IQCM: variants seen among roughly 807,000 people sequenced by gnomAD.
The protein encoded by IQCM is IQ motif containing M.
A neutral mutation model predicts 57.6 loss-of-function variants in IQCM; 45 were observed. That is an observed-to-expected ratio of 0.78 (90% CI 0.62 to 1.00). The LOEUF (loss-of-function observed/expected upper bound fraction) is 1.00. IQCM is among the 50% of genes least tolerant of loss of function. The pLI is 0.00. For synonymous variants in IQCM, 148 were observed against 158.9 expected (o/e 0.93, Z 0.51); for missense variants, 468 against 511.6 (o/e 0.91, Z 0.82).
Position 149,507,072 on chromosome 4 carries a change from A to G in IQCM, c.1228+41383T>C, listed in dbSNP as rs78829286. Among the ~76,000 whole-genome samples the G allele has an allele frequency of 4.4e-4, 67 of 152,148 alleles. No homozygotes were observed. In the East Asian group the frequency reaches 0.012, roughly 26 times the overall value. On this transcript the variant is annotated intron_variant, in intron 12 of 13. Coordinates refer to ENST00000636793, the MANE Select transcript of IQCM (RefSeq NM_001363507.2). ...TTTTAAAATGGGAGTTTTCTTGCGC[A>G]AGCTTTCTTTTCTTGTCTACTGCCA...
At chr4:149,494,056 G>GT (rs1258326752) in intron 12 of IQCM, among the ~76,000 whole-genome samples, 3 of 150,808 alleles carry the variant, frequency 2.0e-5, no homozygotes, top group Non-Finnish European at 3.0e-5. Flanking sequence ...TTTTTTAAGG[G>GT]TTTTTTTGCA....
At chr4:149,395,594 C>T (rs1338234384) in intron 13 of IQCM, among the ~76,000 whole-genome samples, 1 of 151,920 alleles carries the variant, frequency 6.6e-6, no homozygotes, top group Non-Finnish European at 1.5e-5. Context: ...TCTTTCTAAC[C>T]ACTGGGGAAT....
chr4:149,460,389 C>A (rs1273819598), intron 12 of IQCM, among the ~76,000 whole-genome samples: 1 of 152,062 alleles, frequency 6.6e-6, no homozygotes, highest in African/African-American at 2.4e-5. Flanking sequence ...TTGATAGTGT[C>A]TACCCATTAA....
At chr4:149,793,749 A>G (rs914606204) in intron 2 of IQCM, 1 of 152,208 alleles carries the variant, frequency 6.6e-6, no homozygotes, top group Non-Finnish European at 1.5e-5. Context: ...AAAAAAACCT[A>G]TAAGATACTT....
At chr4:149,763,466 G>T (rs911314974) in intron 2 of IQCM, among the ~76,000 whole-genome samples, 1 of 151,990 alleles carries the variant, frequency 6.6e-6, no homozygotes, top group African/African-American at 2.4e-5. Flanking sequence ...ATGAGTGGAG[G>T]AGCTCCTCTC....
chr4:149,445,134 A>G (rs1242741581), intron 12 of IQCM, among the ~76,000 whole-genome samples: 3 of 151,874 alleles, frequency 2.0e-5, no homozygotes, highest in Non-Finnish European at 4.4e-5. Context: ...CCTTGTGAAC[A>G]ATATAACCTG....
intron 2 of IQCM, among the ~76,000 whole-genome samples, 200 bp downstream of exon 2, chr4:149,815,111 T>C (rs1193784790): frequency 6.6e-6 from 1 of 151,990 alleles, no homozygotes; most frequent in Non-Finnish European, 1.5e-5. Context: ...ACATTAAATA[T>C]ATTTAATTTG....
chr4:149,625,762 C>T (rs1238594146), intron 7 of IQCM, among the ~76,000 whole-genome samples: 1 of 152,048 alleles, frequency 6.6e-6, no homozygotes, highest in African/African-American at 2.4e-5. Context: ...GGAGAAAAAT[C>T]CAGAGAGGGC....
intron 5 of IQCM, among the ~76,000 whole-genome samples, chr4:149,722,862 G>A (rs2149859284): frequency 6.6e-6 from 1 of 152,070 alleles, no homozygotes; most frequent in Admixed American, 6.5e-5. Context: ...GAATTGCATT[G>A]AGTCTGTGGA....
intron 2 of IQCM, among the ~76,000 whole-genome samples, chr4:149,803,903 C>A (rs996132579): frequency 8.6e-5 from 13 of 151,772 alleles, no homozygotes; most frequent in Non-Finnish European, 1.5e-4. Context: ...AGGAAATGTT[C>A]TATAATCTTC....
intron 2 of IQCM, among the ~76,000 whole-genome samples, chr4:149,770,273 T>C (rs1266978061): frequency 2.6e-5 from 4 of 152,034 alleles, no homozygotes; most frequent in African/African-American, 9.7e-5. Flanking sequence ...AAGAAACAGA[T>C]AACCTGCTTA....
At chr4:149,723,008 C>T (rs1174357680) in intron 5 of IQCM, among the ~76,000 whole-genome samples, 6 of 151,908 alleles carry the variant, frequency 3.9e-5, no homozygotes, top group Non-Finnish European at 7.4e-5. Context: ...TCTTTCACCT[C>T]CTTGGTTAAG....
At chr4:149,543,706 C>T (rs1023386850) in intron 12 of IQCM, among the ~76,000 whole-genome samples, 1 of 151,046 alleles carries the variant, frequency 6.6e-6, no homozygotes, top group Non-Finnish European at 1.5e-5. Context: ...ACATTGTGCA[C>T]AGGTACCCTA....
chr4:149,583,957 A>T (rs1463874177), intron 9 of IQCM, among the ~76,000 whole-genome samples: 1 of 151,504 alleles, frequency 6.6e-6, no homozygotes, highest in African/African-American at 2.4e-5. Context: ...ATGAGATCCC[A>T]CTTCATCACA....
chr4:149,626,186 C>T (rs1053058420), intron 7 of IQCM, among the ~76,000 whole-genome samples: 1 of 151,718 alleles, frequency 6.6e-6, no homozygotes, highest in Non-Finnish European at 1.5e-5. Context: ...AGAATATAAG[C>T]AGGCAGAAAA....
intron 7 of IQCM, among the ~76,000 whole-genome samples, chr4:149,648,848 G>A (rs1034651019): frequency 1.7e-4 from 26 of 151,740 alleles, no homozygotes; most frequent in African/African-American, 6.0e-4. Context: ...ATATACATAT[G>A]TAACAAACCT....
At chr4:149,445,671 T>C (rs1249124718) in intron 12 of IQCM, among the ~76,000 whole-genome samples, 1 of 151,770 alleles carries the variant, frequency 6.6e-6, no homozygotes, top group African/African-American at 2.4e-5. Flanking sequence ...TCAGCCTTTT[T>C]ATCTGTATCG....
At chr4:149,465,040 T>C (rs17624758) in intron 12 of IQCM, among the ~76,000 whole-genome samples, 23,690 of 152,116 alleles carry the variant, frequency 0.16, 2,221 homozygotes, top group South Asian at 0.33. Context: ...TCATTTTATT[T>C]TCATTGTATG....
intron 2 of IQCM, among the ~76,000 whole-genome samples, chr4:149,773,547 A>T (rs770503996): frequency 6.6e-6 from 1 of 152,186 alleles, no homozygotes; most frequent in Non-Finnish European, 1.5e-5. Context: ...CAAATCCGGC[A>T]TAATGTGATG....
Sources: allele counts gnomAD v4.1 joint callset (sites outside exome capture counted in the v4.1 genomes callset), GRCh38; gene constraint gnomAD v4.1.1; transcripts MANE v1.5; gene names NCBI Gene and HGNC (gene_info 2026-07-23, HGNC 2026-07-21).